The following NKAIN2 variants were observed in gnomAD, a reference collection of about 807,000 sequenced individuals.
The protein encoded by NKAIN2 is sodium/potassium-transporting ATPase subunit beta-1-interacting protein 2.
Under a neutral mutation model 32.6 loss-of-function variants are expected in NKAIN2, and 14 were observed. The observed-to-expected ratio is 0.43, with a 90% confidence interval of 0.28 to 0.67. The LOEUF (loss-of-function observed/expected upper bound fraction) is 0.67, where lower values mean the gene tolerates loss of function less well. NKAIN2 is among the 30% of genes least tolerant of loss of function. The pLI, the probability that NKAIN2 is intolerant of heterozygous loss-of-function variation, is 0.17. For synonymous variants in NKAIN2, 80 were observed against 87.2 expected (o/e 0.92, Z 0.46); for missense variants, 198 against 258.3 (o/e 0.77, Z 1.60).
chr6:124,154,630 C>A (rs1438662518), intron 1 of NKAIN2, among the ~76,000 whole-genome samples: 1 of 151,906 alleles, frequency 6.6e-6, no homozygotes, highest in African/African-American at 2.4e-5. Context: ...AAAGTGTAAG[C>A]TAGGTGATTA....
chr6:124,658,225 C>G lies in NKAIN2; in HGVS notation c.313C>G (p.Arg105Gly), dbSNP rs763076739. The G allele has an allele frequency of 6.2e-7, 1 of 1,613,324 alleles. No individual in the cohort carries two copies. The highest frequency in any genetic ancestry group is 8.5e-7 in the Non-Finnish European group (1 of 1,179,680). Reference protein sequence around the residue: ...LILTFNISMHRSWWMENGPGC... With the variant: ...LILTFNISMHGSWWMENGPGC... ...CCTGACTTTTAATATATCAATGCAC[C>G]GATCTTGGTGGATGGAGAATGGACC... The change falls in exon 4 of 7, where the codon CGA becomes GGA. Residue 105 changes from arginine to glycine, a missense_variant. Transcript: ENST00000368417.
intron 4 of NKAIN2, among the ~76,000 whole-genome samples, chr6:124,663,063 CAG>C (rs1784804489): frequency 6.6e-6 from 1 of 152,110 alleles, no homozygotes; most frequent in Admixed American, 6.5e-5. Flanking sequence ...AAAAATAAAA[CAG>C]TATTTTAAAG....
At chr6:123,813,254 A>T (rs1005412351) in intron 1 of NKAIN2, among the ~76,000 whole-genome samples, 2 of 152,092 alleles carry the variant, frequency 1.3e-5, no homozygotes, top group African/African-American at 4.8e-5. Context: ...CCCGGGATTG[A>T]GCACTTCTTT....
intron 1 of NKAIN2, among the ~76,000 whole-genome samples, chr6:123,984,611 T>C (rs1195507604): frequency 6.6e-6 from 1 of 152,208 alleles, no homozygotes; most frequent in Non-Finnish European, 1.5e-5. Context: ...ATCATACCTC[T>C]TGTGAGCTTT....
intron 1 of NKAIN2, among the ~76,000 whole-genome samples, chr6:124,155,843 A>G (rs1787956866): frequency 6.6e-6 from 1 of 152,076 alleles, no homozygotes; most frequent in Non-Finnish European, 1.5e-5. Flanking sequence ...GAAAAGATAA[A>G]TGGTGTGATC....
chr6:124,346,282 G>T lies in NKAIN2; in HGVS notation c.193-8985G>T, dbSNP rs184167122. On this transcript the variant is annotated intron_variant, in intron 2 of 6. Coordinates refer to ENST00000368417, the MANE Select transcript of NKAIN2 (RefSeq NM_001040214.3). The stretch of plus-strand genomic sequence containing the variant: ...TGTGGTCAATTTTGGAATAGGTGTG[G>T]TGTGGTGCTGAAAAAAATGTATATT... 4.6e-5 allele frequency among the ~76,000 whole-genome samples: 7 copies of T among 152,222 alleles called. No homozygotes were observed. The East Asian group carries it at 1.4e-3, about 29-fold the overall frequency.
In NKAIN2 at chr6:124,101,981, AG is replaced by A. The variant is rs142351126; in HGVS notation, c.55-181022del. 5.2e-3 allele frequency among the ~76,000 whole-genome samples: 791 copies of A among 152,348 alleles called. 6 individuals carry two copies. The highest frequency in any genetic ancestry group is 0.026 in the South Asian group (125 of 4,832). ...GCTGTCTGTACCAAGATACTGGAGC[AG>A]GCAGGGAGAATATCCAAATGATGGC... On this transcript the variant is annotated intron_variant, in intron 1 of 6. Transcript: ENST00000368417.
intron 3 of NKAIN2, among the ~76,000 whole-genome samples, chr6:124,387,741 T>C (rs1772971614): frequency 6.6e-6 from 1 of 152,130 alleles, no homozygotes; most frequent in African/African-American, 2.4e-5. Flanking sequence ...TGAACTAGTT[T>C]GTTTCTAAAA....
chr6:124,293,711 AT>A (rs1795920015), intron 2 of NKAIN2, among the ~76,000 whole-genome samples: 1 of 151,962 alleles, frequency 6.6e-6, no homozygotes, highest in African/African-American at 2.4e-5. Context: ...TTCAAATTCT[AT>A]TGCTCTTTTT....
chr6:124,820,426 A>G (rs559939876), intron 6 of NKAIN2, among the ~76,000 whole-genome samples: 6 of 152,326 alleles, frequency 3.9e-5, no homozygotes, highest in South Asian at 2.1e-4. Context: ...CTGAAATTAT[A>G]TGAAAGAATA....
chr6:123,895,558 C>G (rs141675325), intron 1 of NKAIN2, among the ~76,000 whole-genome samples: 1 of 152,258 alleles, frequency 6.6e-6, no homozygotes, highest in Non-Finnish European at 1.5e-5. Context: ...TCTTGGTCTA[C>G]TTACCTAGGG....
At chr6:124,445,787 A>AC (rs11395392) in intron 3 of NKAIN2, among the ~76,000 whole-genome samples, 102,804 of 151,756 alleles carry the variant, frequency 0.68, 37,540 homozygotes, top group South Asian at 0.81. Context: ...ACAAAACAAA[A>AC]AAAAAAAACA....
chr6:124,030,787 TG>T (rs778928279), intron 1 of NKAIN2, among the ~76,000 whole-genome samples: 1 of 152,186 alleles, frequency 6.6e-6, no homozygotes, highest in Non-Finnish European at 1.5e-5. Flanking sequence ...ATGAATTAAG[TG>T]CCCAATAAAT....
At chr6:124,189,104 T>A (rs1424116279) in intron 1 of NKAIN2, among the ~76,000 whole-genome samples, 1 of 152,024 alleles carries the variant, frequency 6.6e-6, no homozygotes, top group Admixed American at 6.6e-5. Context: ...CACCTAGAAA[T>A]TTTTTTGCAT....
intron 1 of NKAIN2, among the ~76,000 whole-genome samples, chr6:123,901,015 G>GT (rs1554221124): frequency 6.6e-6 from 1 of 152,132 alleles, no homozygotes; most frequent in African/African-American, 2.4e-5. Context: ...TTTACCCTGC[G>GT]TATCATTCCA....
chr6:123,929,015 A>C (rs563181402), intron 1 of NKAIN2, among the ~76,000 whole-genome samples: 1 of 152,230 alleles, frequency 6.6e-6, no homozygotes, highest in African/African-American at 2.4e-5. Context: ...TCCACACTAC[A>C]TGTTCCTACC....
rs186141984 is a variant in NKAIN2, at chr6:124,604,236, T to C, written c.274-53950T>C. On this transcript the variant is annotated intron_variant, in intron 3 of 6. Transcript: ENST00000368417. ...CAACCAAATCCATAAGTGAATCATA[T>C]ACACACTACATTTTAAATTTTACCC... is the stretch of plus-strand genomic sequence containing the variant. 3.3e-3 allele frequency among the ~76,000 whole-genome samples: 500 copies of C among 152,106 alleles called. 5 individuals are homozygous for C. Among genetic ancestry groups the C allele is most frequent in the Middle Eastern group, 6.8e-3 (2 of 294 alleles).
intron 1 of NKAIN2, among the ~76,000 whole-genome samples, chr6:124,078,608 C>T (rs1261426382): frequency 6.6e-6 from 1 of 152,128 alleles, no homozygotes; most frequent in African/African-American, 2.4e-5. Flanking sequence ...GAATTGTCTG[C>T]ATCAAATAGC....
At chr6:124,021,675 G>T (rs953003257) in intron 1 of NKAIN2, among the ~76,000 whole-genome samples, 1 of 151,486 alleles carries the variant, frequency 6.6e-6, no homozygotes, top group Non-Finnish European at 1.5e-5. Flanking sequence ...TGCCTTATAG[G>T]CTTATAAATC....
Sources: gnomAD v4.1 joint callset for allele counts (sites outside exome capture counted in the v4.1 genomes callset) on GRCh38, gnomAD v4.1.1 for gene constraint, MANE v1.5 for transcripts, NCBI Gene and HGNC (gene_info 2026-07-23, HGNC 2026-07-21) for gene names.